FGF14: variants seen among roughly 807,000 people sequenced by gnomAD.
FGF14 encodes the protein fibroblast growth factor homologous factor 4.
FGF14 carries 5 observed loss-of-function variants against 25.5 expected under a neutral mutation model. That is an observed-to-expected ratio of 0.20 (90% CI 0.10 to 0.41). FGF14 has a LOEUF of 0.41. FGF14 is among the 10% of genes least tolerant of loss of function. The pLI is 1.00. For missense variants in FGF14, 222 were observed against 320.1 expected (o/e 0.69, Z 2.34); for synonymous variants, 138 against 118.3 (o/e 1.17, Z -1.08).
intron 1 of FGF14, among the ~76,000 whole-genome samples, chr13:102,365,500 T>C (rs769863912): frequency 1.3e-5 from 2 of 152,186 alleles, no homozygotes; most frequent in Non-Finnish European, 2.9e-5. Flanking sequence ...AAAATTATTA[T>C]GTATATCAAA....
intron 1 of FGF14, among the ~76,000 whole-genome samples, chr13:101,955,219 A>C (rs917935539): frequency 3.9e-5 from 6 of 152,348 alleles, no homozygotes; most frequent in Admixed American, 1.3e-4. Flanking sequence ...GCAATACACC[A>C]AAGTTGTTTT....
At chr13:102,206,769 G>A (rs533800875) in intron 1 of FGF14, among the ~76,000 whole-genome samples, 7 of 152,264 alleles carry the variant, frequency 4.6e-5, no homozygotes, top group South Asian at 4.1e-4. Flanking sequence ...AAAATATCAC[G>A]TGAATCAATA....
intron 3 of FGF14, among the ~76,000 whole-genome samples, chr13:101,808,901 A>C (rs527880127): frequency 3.2e-4 from 49 of 152,282 alleles, no homozygotes; most frequent in African/African-American, 1.1e-3. Flanking sequence ...GTAATTTACA[A>C]CTTCCTATAT....
At chr13:101,849,063 C>CCTGT (rs1174195616) in intron 3 of FGF14, among the ~76,000 whole-genome samples, 1 of 151,996 alleles carries the variant, frequency 6.6e-6, no homozygotes, top group Non-Finnish European at 1.5e-5. Context: ...GTTCTTCCAG[C>CCTGT]CTGTATTTTA....
At chr13:102,142,681 G>A (rs17588860) in intron 1 of FGF14, among the ~76,000 whole-genome samples, 2,394 of 152,238 alleles carry the variant, frequency 0.016, 119 homozygotes, top group Admixed American at 0.09. Flanking sequence ...AAATGCTGTC[G>A]CAAATTGGAT....
chr13:101,719,142 A>G lies in FGF14; in HGVS notation c.*3689T>C, dbSNP rs1373528839. The G allele has an allele frequency of 6.6e-6, 1 of 152,176 alleles. No individual in the cohort carries two copies. The highest frequency in any genetic ancestry group is 1.5e-5 in the Non-Finnish European group (1 of 68,016). 9.4% of individuals were successfully genotyped at this position (152,176 alleles called of 1,614,324 possible). On this transcript the variant is annotated 3_prime_UTR_variant, in exon 5 of 5. Coordinates refer to ENST00000376143, the MANE Select transcript of FGF14 (RefSeq NM_004115.4). The stretch of plus-strand genomic sequence containing the variant: ...TCAAATATTAATGATCCATAATATT[A>G]GGGAGATAATTTTAAATGAAGTGAT...
At chr13:102,383,152 T>C (rs1283428708) in intron 1 of FGF14, among the ~76,000 whole-genome samples, 5 of 152,134 alleles carry the variant, frequency 3.3e-5, no homozygotes, top group Admixed American at 6.5e-5. Context: ...TATAACTCAA[T>C]CTGGGCTTAA....
intron 1 of FGF14, among the ~76,000 whole-genome samples, chr13:102,052,478 T>C (rs1421631796): frequency 6.6e-6 from 1 of 151,482 alleles, no homozygotes; most frequent in African/African-American, 2.4e-5. Flanking sequence ...TTTTTGAAAA[T>C]TTGAAAAATT....
At chr13:102,323,105 T>C (rs1419382261) in intron 1 of FGF14, among the ~76,000 whole-genome samples, 3 of 152,180 alleles carry the variant, frequency 2.0e-5, no homozygotes. Flanking sequence ...TGTTTCCATT[T>C]TTGCCCAAGT....
intron 1 of FGF14, among the ~76,000 whole-genome samples, chr13:101,995,184 T>C (rs994864858): frequency 2.6e-5 from 4 of 152,106 alleles, no homozygotes; most frequent in Non-Finnish European, 5.9e-5. Context: ...TAAAATTCAT[T>C]GAAAGTCTCA....
intron 1 of FGF14, among the ~76,000 whole-genome samples, chr13:102,232,635 T>C (rs2051135977): frequency 6.6e-6 from 1 of 152,248 alleles, no homozygotes; most frequent in Admixed American, 6.5e-5. Context: ...AGAGCAATTA[T>C]GATCTTCTCT....
At chr13:102,126,433 T>A (rs1411614473) in intron 1 of FGF14, among the ~76,000 whole-genome samples, 1 of 152,230 alleles carries the variant, frequency 6.6e-6, no homozygotes, top group African/African-American at 2.4e-5. Context: ...TTCTATTGTA[T>A]GTAGATACCA....
intron 1 of FGF14, among the ~76,000 whole-genome samples, chr13:102,205,180 T>A (rs1488806788): frequency 6.6e-6 from 1 of 152,172 alleles, no homozygotes; most frequent in African/African-American, 2.4e-5. Context: ...GGTGTGTATG[T>A]GTGTGTGTGC....
At chr13:101,814,246 T>A (rs1040573740) in intron 3 of FGF14, among the ~76,000 whole-genome samples, 2 of 152,176 alleles carry the variant, frequency 1.3e-5, no homozygotes, top group African/African-American at 4.8e-5. Flanking sequence ...CCCAGGTGAT[T>A]CACGTGCACA....
rs2034497245 is a variant in FGF14 at position 101,712,109 on chromosome 13, T to G, written c.*10722A>C. On this transcript the variant is annotated 3_prime_UTR_variant, in exon 5 of 5. Transcript: ENST00000376143. ...TCTACAGGAAAAGTGCTATAATAGG[T>G]CCTAATAACTATTCACACTGTGTTA... 6.6e-6 allele frequency: 1 copy of G among 152,182 alleles called. No individual in the cohort carries two copies. The highest frequency in any genetic ancestry group is 2.1e-4 in the South Asian group (1 of 4,828). 9.4% of individuals were successfully genotyped at this position (152,182 alleles called of 1,614,324 possible).
intron 1 of FGF14, among the ~76,000 whole-genome samples, chr13:102,045,281 A>G (rs899463092): frequency 2.0e-5 from 3 of 152,186 alleles, no homozygotes; most frequent in Non-Finnish European, 4.4e-5. Flanking sequence ...TGGAAAAAAA[A>G]AAAGCTGTAA....
intron 1 of FGF14, chr13:102,393,916 T>C (rs908652721): frequency 2.0e-5 from 3 of 152,212 alleles, no homozygotes; most frequent in Non-Finnish European, 4.4e-5. Flanking sequence ...AATTTAAATA[T>C]ATAGTTAACA....
intron 1 of FGF14, among the ~76,000 whole-genome samples, chr13:102,308,699 A>T (rs1385957431): frequency 1.3e-5 from 2 of 152,176 alleles, no homozygotes; most frequent in East Asian, 3.9e-4. Flanking sequence ...GGATCAGTCT[A>T]CAATATATCA....
intron 3 of FGF14, among the ~76,000 whole-genome samples, chr13:101,797,107 C>T (rs1342557822): frequency 6.6e-6 from 1 of 152,066 alleles, no homozygotes; most frequent in Non-Finnish European, 1.5e-5. Context: ...ATTATAATAC[C>T]CACCTTACAA....
Sources: allele counts gnomAD v4.1 joint callset (sites outside exome capture counted in the v4.1 genomes callset), GRCh38; gene constraint gnomAD v4.1.1; transcripts MANE v1.5; gene names NCBI Gene and HGNC (gene_info 2026-07-23, HGNC 2026-07-21).